Variants in PHACTR3 observed in about 807,000 individuals in gnomAD.
PHACTR3 encodes the protein protein phosphatase 1, regulatory subunit 123.
In PHACTR3, 16 loss-of-function variants were observed where a neutral mutation model predicts 66.8. The ratio of observed to expected loss-of-function variants is 0.24; its 90% confidence interval spans 0.16 to 0.36. PHACTR3 has a LOEUF of 0.36. Among genes scored for constraint, PHACTR3 ranks in the 10% least tolerant of loss-of-function variants. The pLI, the probability that PHACTR3 is intolerant of heterozygous loss-of-function variation, is 1.00. For missense variants in PHACTR3, 647 were observed against 719.9 expected, an observed-to-expected ratio of 0.90 and a Z score of 1.16; for synonymous variants, 323 against 292.1, an observed-to-expected ratio of 1.11 and a Z score of -1.08.
rs567669674 is a variant in PHACTR3, at chr20:59,823,779, C to A, written c.1329-12726C>A. On this transcript the variant is annotated intron_variant, in intron 8 of 12. Transcript: ENST00000371015. ...GCACAGTGGTATTTTTAGCAACTTGCCTCTACTGACTCCAAAGCTTAGTTT... is the reference window on the plus strand; with the variant it reads ...GCACAGTGGTATTTTTAGCAACTTGACTCTACTGACTCCAAAGCTTAGTTT... 4.6e-5 allele frequency among the ~76,000 whole-genome samples: 7 copies of A among 152,340 alleles called. No homozygotes were observed. The South Asian group carries it at 1.4e-3, about 32-fold the overall frequency.
chr20:59,741,717 C>T (rs749793567), intron 1 of PHACTR3, among the ~76,000 whole-genome samples: 2 of 151,938 alleles, frequency 1.3e-5, no homozygotes, highest in African/African-American at 4.8e-5. Flanking sequence ...CTCTCTCCCC[C>T]GCCTGCCAAC....
intron 1 of PHACTR3, among the ~76,000 whole-genome samples, chr20:59,638,086 G>T (rs2034958984): frequency 6.6e-6 from 1 of 152,174 alleles, no homozygotes; most frequent in Non-Finnish European, 1.5e-5. Flanking sequence ...ACTATTAAAT[G>T]CTGCCTGAGT....
intron 1 of PHACTR3, among the ~76,000 whole-genome samples, chr20:59,594,944 A>G (rs1165198730): frequency 6.6e-6 from 1 of 152,166 alleles, no homozygotes; most frequent in Non-Finnish European, 1.5e-5. Context: ...ATTTCACTCT[A>G]AACATTGTTC....
intron 7 of PHACTR3, among the ~76,000 whole-genome samples, chr20:59,793,484 T>A (rs2041163275): frequency 6.6e-6 from 1 of 152,210 alleles, no homozygotes; most frequent in South Asian, 2.1e-4. Context: ...ATTTTCAGAA[T>A]ACAGATCTTT....
At chr20:59,770,977 G>A (rs573484147) in intron 5 of PHACTR3, among the ~76,000 whole-genome samples, 1 of 152,340 alleles carries the variant, frequency 6.6e-6, no homozygotes, top group African/African-American at 2.4e-5. Flanking sequence ...CTGCCCCTGA[G>A]GTGGCTTCTG....
At chr20:59,660,355 A>C (rs931328193) in intron 1 of PHACTR3, among the ~76,000 whole-genome samples, 3 of 152,192 alleles carry the variant, frequency 2.0e-5, no homozygotes, top group African/African-American at 4.8e-5. Context: ...TTAGCCGGGC[A>C]TGGTGGCGGA....
At chr20:59,712,015 G>C (rs2037929611) in intron 1 of PHACTR3, among the ~76,000 whole-genome samples, 1 of 152,036 alleles carries the variant, frequency 6.6e-6, no homozygotes, top group African/African-American at 2.4e-5. Flanking sequence ...ATATATTCCA[G>C]AGTTCATTAT....
chr20:59,684,907 C>G (rs2036804081), intron 1 of PHACTR3, among the ~76,000 whole-genome samples: 1 of 152,242 alleles, frequency 6.6e-6, no homozygotes, highest in South Asian at 2.1e-4. Context: ...TGTCCCACGG[C>G]TCAGCATGTC....
rs11477768 is a variant in PHACTR3 at position 59,604,877 on chromosome 20, C to CTTTTTTTTTTTTTTTT, written c.-131_-116dup. 4.8e-5 allele frequency: 47 copies of CTTTTTTTTTTTTTTTT among 978,742 alleles called. No homozygotes were observed. The highest frequency in any genetic ancestry group is 3.3e-4 in the East Asian group (4 of 12,228). 60.6% of individuals were successfully genotyped at this position (978,742 alleles called of 1,614,324 possible). A position where few individuals can be genotyped will look rare whatever the true frequency, so the allele number is the denominator to read the frequency against. ...TCTCCAGCTCGTTTCCTTTCCCGGC[C>CTTTTTTTTTTTTTTTT]TTTTTTTTTTTTTTTTTTTTTTAAT... On this transcript the variant is annotated 5_prime_UTR_variant, in exon 1 of 13. Transcript: ENST00000371015.
intron 7 of PHACTR3, among the ~76,000 whole-genome samples, chr20:59,781,333 G>C (rs1045893141): frequency 6.6e-6 from 1 of 152,222 alleles, no homozygotes; most frequent in Non-Finnish European, 1.5e-5. Context: ...AAGGCCTCTC[G>C]ATGGCACCTG....
At chr20:59,821,878 G>A (rs914111934) in intron 8 of PHACTR3, among the ~76,000 whole-genome samples, 18 of 38,680 alleles carry the variant, frequency 4.7e-4, no homozygotes, top group African/African-American at 6.6e-4. Flanking sequence ...CAGCTGGCAG[G>A]AAGTTGAGGA....
chr20:59,672,392 A>G (rs748717120), intron 1 of PHACTR3, among the ~76,000 whole-genome samples: 1 of 152,134 alleles, frequency 6.6e-6, no homozygotes, highest in Admixed American at 6.5e-5. Flanking sequence ...TCTCAGCTAG[A>G]TGGAGAGGAA....
intron 3 of PHACTR3, among the ~76,000 whole-genome samples, chr20:59,754,953 A>G (rs2039730806): frequency 6.6e-6 from 1 of 152,182 alleles, no homozygotes; most frequent in African/African-American, 2.4e-5. Context: ...GAGTGCACAC[A>G]GGGAGTGGAG....
intron 1 of PHACTR3, among the ~76,000 whole-genome samples, chr20:59,694,281 G>C (rs1009630756): frequency 6.6e-6 from 1 of 152,044 alleles, no homozygotes; most frequent in Non-Finnish European, 1.5e-5. Context: ...CATTGTTTTG[G>C]CTTCTGTCTC....
chr20:59,730,664 G>C (rs1341984141), intron 1 of PHACTR3, among the ~76,000 whole-genome samples: 1 of 152,102 alleles, frequency 6.6e-6, no homozygotes, highest in Admixed American at 6.5e-5. Flanking sequence ...TCTTCTTGGG[G>C]CACCCAGTAG....
intron 1 of PHACTR3, among the ~76,000 whole-genome samples, chr20:59,596,787 G>A (rs763277931): frequency 6.6e-6 from 1 of 152,166 alleles, no homozygotes; most frequent in African/African-American, 2.4e-5. Flanking sequence ...GTGTACTGCT[G>A]GATTGCCAGT....
intron 3 of PHACTR3, among the ~76,000 whole-genome samples, chr20:59,750,888 C>T (rs537299888): frequency 5.9e-5 from 9 of 152,234 alleles, no homozygotes; most frequent in African/African-American, 9.6e-5. Context: ...CACAGGCTCC[C>T]GGCTAAATCC....
At chr20:59,615,834 C>T (rs1157124186) in intron 1 of PHACTR3, among the ~76,000 whole-genome samples, 1 of 152,194 alleles carries the variant, frequency 6.6e-6, no homozygotes, top group African/African-American at 2.4e-5. Context: ...ATACACTTGA[C>T]CCCTTTGGTT....
intron 8 of PHACTR3, among the ~76,000 whole-genome samples, chr20:59,813,478 G>A (rs2041797070): frequency 6.6e-6 from 1 of 152,186 alleles, no homozygotes; most frequent in South Asian, 2.1e-4. Context: ...CTCTTGGGGT[G>A]CTTACCCCCC....
Sources: allele counts gnomAD v4.1 joint callset (sites outside exome capture counted in the v4.1 genomes callset), GRCh38; gene constraint gnomAD v4.1.1; transcripts MANE v1.5; gene names NCBI Gene and HGNC (gene_info 2026-07-23, HGNC 2026-07-21).